PDE1C: variants seen among roughly 807,000 people sequenced by gnomAD.
The protein encoded by PDE1C is phosphodiesterase 1C.
A neutral mutation model predicts 93.1 loss-of-function variants in PDE1C; 62 were observed. The observed-to-expected ratio is 0.67, with a 90% CI of 0.54 to 0.82. PDE1C has a LOEUF of 0.82. Among genes scored for constraint, PDE1C ranks in the 40% least tolerant of loss-of-function variants. The pLI is 0.00. For synonymous variants in PDE1C, 325 were observed against 310.1 expected (o/e 1.05, Z -0.50); for missense variants, 742 against 884.6 (o/e 0.84, Z 2.04).
intron 3 of PDE1C, among the ~76,000 whole-genome samples, chr7:32,139,499 T>G (rs1217436029): frequency 2.0e-5 from 3 of 152,038 alleles, no homozygotes; most frequent in Non-Finnish European, 4.4e-5. Flanking sequence ...CCTCATGAGT[T>G]ATCTCAGTGT....
intron 3 of PDE1C, among the ~76,000 whole-genome samples, chr7:32,133,253 A>G (rs1040939066): frequency 6.6e-6 from 1 of 152,194 alleles, no homozygotes; most frequent in South Asian, 2.1e-4. Context: ...GATCCTTAGC[A>G]AACAACAGCT....
At chr7:32,411,303 T>C (rs1785164520) in intron 1 of PDE1C, among the ~76,000 whole-genome samples, 1 of 152,242 alleles carries the variant, frequency 6.6e-6, no homozygotes, top group Non-Finnish European at 1.5e-5. Context: ...CATTATTGCA[T>C]GAACATCATA....
chr7:31,707,278 A>G, the PDE1C span: 3 of 1,613,390 alleles, frequency 1.9e-6, no homozygotes, highest in Non-Finnish European at 2.5e-6. Flanking sequence ...CAAGATAGCT[A>G]TTTAAAGATA....
At chr7:32,211,634 A>T (rs1185596734) in intron 1 of PDE1C, among the ~76,000 whole-genome samples, 1 of 152,150 alleles carries the variant, frequency 6.6e-6, no homozygotes, top group Non-Finnish European at 1.5e-5. Flanking sequence ...ACGGAGGAAG[A>T]ACAAATGAGT....
At chr7:31,958,831 T>G (rs1426054349) in intron 2 of PDE1C, among the ~76,000 whole-genome samples, 1 of 152,158 alleles carries the variant, frequency 6.6e-6, no homozygotes, top group Non-Finnish European at 1.5e-5. Flanking sequence ...CCTCATATCC[T>G]GGAGCTCTGA....
the PDE1C span, chr7:31,695,683 T>G: frequency 0.35 from 532,025 of 1,498,694 alleles, 100,357 homozygotes; most frequent in East Asian, 0.69. Context: ...GGTTGCATTG[T>G]TCGTACACAT....
intron 13 of PDE1C, 41 bp from the exon 14 acceptor site, chr7:31,823,289 T>C (rs1789226500): frequency 1.3e-6 from 2 of 1,555,226 alleles, no homozygotes; most frequent in Non-Finnish European, 8.7e-7. Flanking sequence ...AGAGTTAGTG[T>C]TTGGAAAATG....
At chr7:31,898,111 T>C (rs1799539419) in intron 2 of PDE1C, among the ~76,000 whole-genome samples, 1 of 151,976 alleles carries the variant, frequency 6.6e-6, no homozygotes, top group Admixed American at 6.5e-5. Context: ...ATTCATGTTC[T>C]TTTAAAAGAG....
At chr7:32,065,705 AAG>A (rs1306573744) in intron 1 of PDE1C, among the ~76,000 whole-genome samples, 5 of 152,240 alleles carry the variant, frequency 3.3e-5, no homozygotes, top group African/African-American at 1.2e-4. Context: ...GTTATATAGA[AAG>A]AAAACACAGA....
intron 1 of PDE1C, among the ~76,000 whole-genome samples, chr7:32,401,536 C>CA (rs58246141): frequency 0.021 from 2,469 of 118,150 alleles, 30 homozygotes; most frequent in Middle Eastern, 0.072. Flanking sequence ...GACTCCATCT[C>CA]AAAAAAAAAA....
intron 15 of PDE1C, among the ~76,000 whole-genome samples, chr7:31,813,254 A>G (rs1481799029): frequency 6.6e-6 from 1 of 152,072 alleles, no homozygotes; most frequent in Non-Finnish European, 1.5e-5. Flanking sequence ...AGGGTTGAGC[A>G]TGCACAGCCC....
At chr7:31,744,016 C>G in the PDE1C span, among the ~76,000 whole-genome samples, 1 of 152,124 alleles carries the variant, frequency 6.6e-6, no homozygotes, top group Admixed American at 6.5e-5. Flanking sequence ...TACAGCTTCT[C>G]TAGAAGAGAC....
At chr7:31,973,722 C>T (rs148512306) in intron 2 of PDE1C, among the ~76,000 whole-genome samples, 55 of 152,216 alleles carry the variant, frequency 3.6e-4, no homozygotes, top group African/African-American at 1.2e-3. Context: ...ATAACTTGCC[C>T]AAGGTCACAC....
At chr7:31,880,563 GATGAGGCGGTAC>G (rs1562962773) in intron 3 of PDE1C, among the ~76,000 whole-genome samples, 172 bp downstream of exon 3, 2 of 152,124 alleles carry the variant, frequency 1.3e-5, no homozygotes, top group East Asian at 3.8e-4. Flanking sequence ...TCCTTTTATA[GATGAGGCGGTAC>G]AGAGAGTAAG....
rs144611245 is a variant in PDE1C, at chr7:32,253,397, C to T, written c.86-43858G>A. ...GCTGTACTGGCCTTTACCGAAACCC[C>T]ACAATGCTCCAACAGCCTTACGCGC... On this transcript the variant is annotated intron_variant, in intron 1 of 18. Coordinates refer to the PDE1C transcript ENST00000396193. Among the ~76,000 whole-genome samples, 362 of 152,304 alleles carry T rather than the reference C, an allele frequency of 2.4e-3. 1 individual carries two copies. The highest frequency in any genetic ancestry group is 8.0e-3 in the African/African-American group (334 of 41,572).
At chr7:31,836,142 G>A (rs1332429838) in intron 11 of PDE1C, among the ~76,000 whole-genome samples, 1 of 152,106 alleles carries the variant, frequency 6.6e-6, no homozygotes, top group East Asian at 1.9e-4. Flanking sequence ...TATGTATCAT[G>A]TCTTCAATCT....
chr7:32,016,210 GGACCTATAACACTGCCA>G (rs977491102), intron 2 of PDE1C, among the ~76,000 whole-genome samples: 6 of 152,172 alleles, frequency 3.9e-5, no homozygotes, highest in Admixed American at 3.3e-4. Context: ...TAACACTGCT[GGACCTATAACACTGCCA>G]GACCTATAAC....
At chr7:31,677,076 A>T in the PDE1C span, among the ~76,000 whole-genome samples, 2 of 152,208 alleles carry the variant, frequency 1.3e-5, no homozygotes, top group Admixed American at 6.5e-5. Context: ...ATAATTTATT[A>T]AAAAATGTGT....
At chr7:31,968,045 G>A (rs555268854) in intron 2 of PDE1C, among the ~76,000 whole-genome samples, 80 of 151,898 alleles carry the variant, frequency 5.3e-4, no homozygotes, top group African/African-American at 1.7e-3. Flanking sequence ...TTGAAAACTG[G>A]CACAAGACAG....
Sources: gnomAD v4.1 joint callset for allele counts (sites outside exome capture counted in the v4.1 genomes callset) on GRCh38, gnomAD v4.1.1 for gene constraint, MANE v1.5 for transcripts, NCBI Gene and HGNC (gene_info 2026-07-23, HGNC 2026-07-21) for gene names.